The following RBMS3 variants were observed in gnomAD, a reference collection of about 807,000 sequenced individuals.
RBMS3 encodes the protein RNA binding motif single stranded interacting protein 3, also known as RNA-binding motif, single-stranded-interacting protein 3.
RBMS3 carries 27 observed loss-of-function variants against 66.8 expected under a neutral mutation model. That is an observed-to-expected ratio of 0.40 (90% CI 0.30 to 0.56). The LOEUF is 0.56. RBMS3 is among the 20% of genes least tolerant of loss of function. The pLI, the probability that RBMS3 is intolerant of heterozygous loss-of-function variation, is 0.40. For missense variants in RBMS3, 513 were observed against 549.5 expected, an observed-to-expected ratio of 0.93 and a Z score of 0.66; for synonymous variants, 188 against 183.0, an observed-to-expected ratio of 1.03 and a Z score of -0.22.
At chr3:29,284,862 CTTTTTTTTTT>C (rs773078453) in intron 1 of RBMS3, among the ~76,000 whole-genome samples, 1 of 112,760 alleles carries the variant, frequency 8.9e-6, no homozygotes, top group Non-Finnish European at 1.7e-5. Context: ...ATGAATTTTT[CTTTTTTTTTT>C]TTTTTTTTTT....
At chr3:29,524,009 A>T (rs2044974837) in intron 3 of RBMS3, among the ~76,000 whole-genome samples, 1 of 152,092 alleles carries the variant, frequency 6.6e-6, no homozygotes, top group African/African-American at 2.4e-5. Flanking sequence ...AAGTGCTGAG[A>T]TTATGGGTAT....
chr3:29,517,855 T>G (rs1048996167), intron 3 of RBMS3, among the ~76,000 whole-genome samples: 2 of 152,128 alleles, frequency 1.3e-5, no homozygotes, highest in Non-Finnish European at 2.9e-5. Flanking sequence ...GTCAAGGAAA[T>G]GGGTACATAC....
rs1044241595 is a variant in RBMS3 at position 29,944,930 on chromosome 3, G to A, written c.1098+676G>A. Among the ~76,000 whole-genome samples the A allele has an allele frequency of 7.9e-5, 12 of 151,856 alleles. No homozygotes were observed. The East Asian group carries it at 9.7e-4, about 12-fold the overall frequency. ...TTGTTTCATAAAATTTAGTAGTGCAGTTTGTAATAGGATATGTCTATGTAA... is the reference window on the plus strand; with the variant it reads ...TTGTTTCATAAAATTTAGTAGTGCAATTTGTAATAGGATATGTCTATGTAA... On this transcript the variant is annotated intron_variant, in intron 12 of 14. Coordinates refer to ENST00000383767, the MANE Select transcript of RBMS3 (RefSeq NM_001003793.3).
At chr3:29,732,874 A>G (rs2054194486) in intron 4 of RBMS3, among the ~76,000 whole-genome samples, 1 of 152,172 alleles carries the variant, frequency 6.6e-6, no homozygotes, top group African/African-American at 2.4e-5. Flanking sequence ...GGCAATCTCT[A>G]GAATTGGTGT....
chr3:29,840,149 C>T (rs749430259), intron 6 of RBMS3, among the ~76,000 whole-genome samples: 3 of 151,882 alleles, frequency 2.0e-5, no homozygotes, highest in Non-Finnish European at 4.4e-5. Context: ...AACAGCATAT[C>T]GGCTGAGTTC....
intron 6 of RBMS3, among the ~76,000 whole-genome samples, chr3:29,845,728 T>A (rs1375072472): frequency 1.3e-5 from 2 of 152,118 alleles, no homozygotes; most frequent in African/African-American, 4.8e-5. Context: ...GAGGCAAAAA[T>A]CAACAACATA....
intron 1 of RBMS3, among the ~76,000 whole-genome samples, chr3:29,392,074 A>G (rs1354648976): frequency 2.0e-5 from 3 of 151,806 alleles, no homozygotes; most frequent in Non-Finnish European, 4.4e-5. Context: ...ACATGGTGAA[A>G]CCCCATCTCT....
intron 8 of RBMS3, among the ~76,000 whole-genome samples, chr3:29,892,172 G>T (rs1454570979): frequency 1.3e-5 from 2 of 151,484 alleles, no homozygotes; most frequent in Non-Finnish European, 3.0e-5. Context: ...TGCCTTTAAT[G>T]CCAAAGAACC....
At chr3:29,482,631 G>A (rs2043165459) in intron 2 of RBMS3, among the ~76,000 whole-genome samples, 1 of 150,838 alleles carries the variant, frequency 6.6e-6, no homozygotes, top group South Asian at 2.1e-4. Flanking sequence ...TTACTATATT[G>A]GCTAAATGAG....
intron 4 of RBMS3, among the ~76,000 whole-genome samples, chr3:29,680,667 G>A (rs1025036590): frequency 6.6e-6 from 1 of 152,120 alleles, no homozygotes; most frequent in Admixed American, 6.5e-5. Flanking sequence ...TTTACAGTGA[G>A]CTCACTGCCT....
chr3:29,881,332 G>C (rs894796052), intron 7 of RBMS3, among the ~76,000 whole-genome samples: 1 of 151,992 alleles, frequency 6.6e-6, no homozygotes, highest in Non-Finnish European at 1.5e-5. Flanking sequence ...ATATTGCTTT[G>C]TATTATAATA....
intron 4 of RBMS3, among the ~76,000 whole-genome samples, chr3:29,647,330 G>T (rs2049960471): frequency 6.6e-6 from 1 of 152,098 alleles, no homozygotes; most frequent in African/African-American, 2.4e-5. Context: ...GAGATTGGTG[G>T]CCCTTGCCAG....
chr3:29,340,480 C>A (rs565139229), intron 1 of RBMS3, among the ~76,000 whole-genome samples: 22 of 151,946 alleles, frequency 1.4e-4, no homozygotes, highest in African/African-American at 5.3e-4. Context: ...CTTTGAATAC[C>A]CTCTCTAGTT....
Position 30,003,923 on chromosome 3 carries a change from G to T in RBMS3, c.*61G>T. 1 of 1,380,962 alleles carries T rather than the reference G, an allele frequency of 7.2e-7. No homozygotes were observed. The highest frequency in any genetic ancestry group is 9.6e-7 in the Non-Finnish European group (1 of 1,041,478). The allele number at this position is 1,380,962 out of a possible 1,614,324, so 85.5% of individuals were successfully genotyped here. On this transcript the variant is annotated 3_prime_UTR_variant, in exon 15 of 15. Transcript: ENST00000383767. The stretch of plus-strand genomic sequence containing the variant: ...TGAATGAAGAAACTTCATTGAACAA[G>T]AAGTTGGCTTCCAGTTTGCACAGAC...
intron 7 of RBMS3, among the ~76,000 whole-genome samples, chr3:29,872,378 G>C (rs927992240): frequency 6.6e-6 from 1 of 151,982 alleles, no homozygotes; most frequent in Non-Finnish European, 1.5e-5. Flanking sequence ...GGCCAGATTT[G>C]TGCATGTACT....
intron 6 of RBMS3, among the ~76,000 whole-genome samples, chr3:29,848,425 A>G (rs1372450372): frequency 1.3e-5 from 2 of 152,176 alleles, no homozygotes; most frequent in Non-Finnish European, 2.9e-5. Flanking sequence ...GTATATAGTT[A>G]TGATATGCTT....
chr3:29,864,780 A>G lies in RBMS3; in HGVS notation c.638-4078A>G, dbSNP rs1320844954. Among the ~76,000 whole-genome samples, 3 of 129,870 alleles carry G rather than the reference A, an allele frequency of 2.3e-5. No individual in the cohort carries two copies. In the East Asian group the frequency reaches 7.7e-4, roughly 33 times the overall value. 85.2% of individuals were successfully genotyped at this position (129,870 alleles called of 152,430 possible). The stretch of plus-strand genomic sequence containing the variant: ...TTAACATTATTTCCCCATTTTATAC[A>G]TAAGAAAAATGAGTCACAGAAATGT... On this transcript the variant is annotated intron_variant, in intron 6 of 14. Transcript: ENST00000383767.
At chr3:29,306,425 C>T (rs889632444) in intron 1 of RBMS3, among the ~76,000 whole-genome samples, 1 of 151,916 alleles carries the variant, frequency 6.6e-6, no homozygotes, top group Non-Finnish European at 1.5e-5. Flanking sequence ...TCAGATTTTC[C>T]TTTGCTTTAG....
chr3:29,373,045 T>C (rs1444229894), intron 1 of RBMS3, among the ~76,000 whole-genome samples: 2 of 152,208 alleles, frequency 1.3e-5, no homozygotes, highest in Non-Finnish European at 2.9e-5. Context: ...TGGGCACACA[T>C]AACTTTCTCT....
Sources: gnomAD v4.1 joint callset for allele counts (sites outside exome capture counted in the v4.1 genomes callset) on GRCh38, gnomAD v4.1.1 for gene constraint, MANE v1.5 for transcripts, NCBI Gene and HGNC (gene_info 2026-07-23, HGNC 2026-07-21) for gene names.